The following E2F1 variants were observed in gnomAD, a reference collection of about 807,000 sequenced individuals.
The protein encoded by E2F1 is transcription factor E2F1.
In E2F1, 7 loss-of-function variants were observed where a neutral mutation model predicts 36.9. That is an observed-to-expected ratio of 0.19 (90% CI 0.11 to 0.36). The LOEUF is 0.36. Among genes scored for constraint, E2F1 ranks in the 10% least tolerant of loss-of-function variants. The pLI is 1.00. For missense variants in E2F1, 406 were observed against 573.6 expected (o/e 0.71, Z 2.99); for synonymous variants, 261 against 263.1 (o/e 0.99, Z 0.08).
rs753472103 is a variant in E2F1, at chr20:33,678,325, C to T, written c.601G>A (p.Gly201Arg). The change falls in exon 4 of 7, where the codon GGA becomes AGA. Residue 201 changes from glycine (G) to arginine (R), a missense_variant. By Grantham distance (125) the Gly-to-Arg change is moderately radical. Around this residue, in one of 5 missense-constraint regions of E2F1, gnomAD observed 93 missense variants for 143.3 expected, o/e 0.65. Transcript: ENST00000343380. ...LGSHTTVGVG[G>R]RLEGLTQDLR... ...TCCTGGGTCAACCCCTCAAGCCGTC[C>T]GCCGACGCCCACTGTGGTGTGGCTG... 1.2e-6 allele frequency: 2 copies of T among 1,612,472 alleles called. No homozygotes were observed. The highest frequency in any genetic ancestry group is 1.7e-6 in the Non-Finnish European group (2 of 1,180,002).
At position 33,686,035 on chromosome 20, in the gene E2F1, C is replaced by G; in HGVS notation, c.230G>C (p.Ser77Thr). ...GCGGCCGAGCGCGGGCCGCGGCGCACTGGGTGTGGGCCGGGGCGCCTGCGG... is the reference window on the plus strand; with the variant it reads ...GCGGCCGAGCGCGGGCCGCGGCGCAGTGGGTGTGGGCCGGGGCGCCTGCGG... ...ATPQAPRPTPSAPRPALGRPP... is the reference protein window; with the variant it reads ...ATPQAPRPTPTAPRPALGRPP... The change falls in exon 1 of 7, where the codon AGT (serine) becomes ACT (threonine). Residue 77 changes from serine to threonine, a missense_variant. This residue lies in a region of E2F1 where 77 missense variants were observed against 131.7 expected (regional missense o/e 0.58). Transcript: ENST00000343380. 1 of 1,135,384 alleles carries G rather than the reference C, an allele frequency of 8.8e-7. No homozygotes were observed. The highest frequency in any genetic ancestry group is 1.1e-6 in the Non-Finnish European group (1 of 927,314). The allele number at this position is 1,135,384 out of a possible 1,614,324, so 70.3% of individuals were successfully genotyped here.
intron 3 of E2F1, 126 bp from the exon 4 acceptor site, chr20:33,678,479 G>C (rs1354947812): frequency 1.6e-6 from 2 of 1,253,976 alleles, no homozygotes; most frequent in South Asian, 1.5e-5. Context: ...CCTTGCTTCT[G>C]TCTGGGTCTG....
At chr20:33,685,968 G>A (rs1167320586) in intron 1 of E2F1, 36 bp downstream of exon 1, 7 of 1,122,796 alleles carry the variant, frequency 6.2e-6, no homozygotes, top group Non-Finnish European at 7.6e-6. Flanking sequence ...GGGGGCACAG[G>A]CGGCGCTGTC....
In E2F1 at chr20:33,679,355, C is replaced by T. The variant is rs1224186199; in HGVS notation, c.572+400G>A. On this transcript the variant is annotated intron_variant, in intron 3 of 6. Transcript: ENST00000343380. The surrounding 1 kb of genome is among the most constrained non-coding windows in gnomAD (Gnocchi z 4.6). ...GATCAGGAGTTCGAGACCAGACTGGCCAACATGGTGAAACCCCATTTCTAC... is the reference window on the plus strand; with the variant it reads ...GATCAGGAGTTCGAGACCAGACTGGTCAACATGGTGAAACCCCATTTCTAC... 1.3e-5 allele frequency among the ~76,000 whole-genome samples: 2 copies of T among 152,170 alleles called. No homozygotes were observed. The highest frequency in any genetic ancestry group is 2.9e-5 in the Non-Finnish European group (2 of 68,026).
chr20:33,680,389 C>G lies in E2F1; in HGVS notation c.289G>C (p.Asp97His), dbSNP rs758760049. Residue 97 changes from aspartate (D) to histidine (H), a missense_variant, in exon 2 of 7, where the codon GAC becomes CAC. Coordinates refer to ENST00000343380, the MANE Select transcript of E2F1 (RefSeq NM_005225.3). ...CTGCTCTCGGCCAGGTACTGATGGT[C>G]AGTTTCCAGGTCCAGCCTCCGCTTC... ...PVKRRLDLET[D>H]HQYLAESSGP... 6.2e-7 allele frequency: 1 copy of G among 1,614,114 alleles called. No individual in the cohort carries two copies. Among genetic ancestry groups the G allele is most frequent in the Admixed American group, 1.7e-5 (1 of 60,012 alleles).
intron 1 of E2F1, among the ~76,000 whole-genome samples, chr20:33,684,429 A>G (rs1435849653): frequency 1.3e-5 from 2 of 151,660 alleles, no homozygotes; most frequent in African/African-American, 4.8e-5. Flanking sequence ...ATTAAGAGGG[A>G]GGGCCCCTAA....
rs2018060940 is a variant in E2F1 at position 33,685,676 on chromosome 20, G to C, written c.261+328C>G. 2.0e-5 allele frequency among the ~76,000 whole-genome samples: 3 copies of C among 152,126 alleles called. No homozygotes were observed. In the South Asian group the frequency reaches 6.2e-4, roughly 31 times the overall value. On this transcript the variant is annotated intron_variant, in intron 1 of 6. Coordinates refer to ENST00000343380, the MANE Select transcript of E2F1 (RefSeq NM_005225.3). Reference sequence around the variant, plus strand: ...CACAGCGGGGTTGTGAGTTTTAGCTGGCTTGAAGTCGCCCAAAGGCCTGGC... The same window carrying C: ...CACAGCGGGGTTGTGAGTTTTAGCTCGCTTGAAGTCGCCCAAAGGCCTGGC...
chr20:33,677,375 ACCAGCCCAGC>A (rs551050661), intron 5 of E2F1, 41 bp downstream of exon 5: 107 of 1,610,266 alleles, frequency 6.6e-5, no homozygotes, highest in Non-Finnish European at 8.1e-5. Context: ...CCAGGTGACC[ACCAGCCCAGC>A]CCAGCCCAGC....
At chr20:33,678,010 C>T (rs1250379961) in intron 4 of E2F1, among the ~76,000 whole-genome samples, 191 bp downstream of exon 4, 1 of 152,206 alleles carries the variant, frequency 6.6e-6, no homozygotes, top group Non-Finnish European at 1.5e-5. Context: ...TATTATTCCC[C>T]TTTTATAGAT....
chr20:33,676,578 G>A lies in E2F1; in HGVS notation c.*154C>T. ...TGGCTTGCTCAGCCTCCTAGCGGTA[G>A]CCAGACCCCAGAGCTAGAAGCTTCT... On this transcript the variant is annotated 3_prime_UTR_variant, in exon 7 of 7. Transcript: ENST00000343380. The A allele has an allele frequency of 2.5e-6, 3 of 1,194,154 alleles. No individual in the cohort carries two copies. The South Asian group carries it at 5.4e-5, about 21-fold the overall frequency. 74.0% of individuals were successfully genotyped at this position (1,194,154 alleles called of 1,614,324 possible).
At chr20:33,677,676 C>T (rs1318401979) in intron 4 of E2F1, 136 bp from the exon 5 acceptor site, 1 of 626,560 alleles carries the variant, frequency 1.6e-6, no homozygotes, top group African/African-American at 1.8e-5. Flanking sequence ...CTACCTCACG[C>T]CTGAGTTTCA....
rs759471811 is a variant in E2F1, at chr20:33,679,452, G to A, written c.572+303C>T. Among the ~76,000 whole-genome samples, 1 of 152,234 alleles carries A rather than the reference G, an allele frequency of 6.6e-6. No individual in the cohort carries two copies. Among genetic ancestry groups the A allele is most frequent in the Non-Finnish European group, 1.5e-5 (1 of 68,044 alleles). On this transcript the variant is annotated intron_variant, in intron 3 of 6. Transcript: ENST00000343380. The surrounding 1 kb of genome is among the most constrained non-coding windows in gnomAD (Gnocchi z 4.6). The stretch of plus-strand genomic sequence containing the variant: ...CCAGCTATTCAGGAGGCTGAGGCAG[G>A]AGAAGCACCTGAACCTGGGAGGTAG...
At chr20:33,685,715 C>T (rs76146947) in intron 1 of E2F1, among the ~76,000 whole-genome samples, 94 of 152,322 alleles carry the variant, frequency 6.2e-4, no homozygotes, top group African/African-American at 2.2e-3. Context: ...CAGTAAACGC[C>T]AGTTGAATAC....
Position 33,679,625 on chromosome 20 carries a change from A to T in E2F1, c.572+130T>A. On this transcript the variant is annotated intron_variant, in intron 3 of 6. Transcript: ENST00000343380. This position sits in a 1 kb window ranked among gnomAD's most constrained non-coding sequence, Gnocchi z 4.6. ...TACCATCTATCATCTCAGGGAAGCTACCTCTCCTCTCTGAGCCCGTTTCCC... is the reference window on the plus strand; with the variant it reads ...TACCATCTATCATCTCAGGGAAGCTTCCTCTCCTCTCTGAGCCCGTTTCCC... 1.3e-6 allele frequency: 1 copy of T among 789,652 alleles called. No homozygotes were observed. The allele number at this position is 789,652 out of a possible 1,614,324, so 48.9% of individuals were successfully genotyped here.
rs1307523848 is a variant in E2F1, at chr20:33,686,015, C to T, written c.250G>A (p.Gly84Ser). Residue 84 changes from glycine (G) to serine (S), a missense_variant, in exon 1 of 7, where the codon GGC becomes AGC. Gly to Ser is a moderately conservative substitution (Grantham distance 56). This residue lies in a region of E2F1 where 77 missense variants were observed against 131.7 expected (regional missense o/e 0.58). Transcript: ENST00000343380. The part of the protein sequence containing the change: ...PTPSAPRPAL[G>S]RPPVKRRLDL... The stretch of plus-strand genomic sequence containing the variant: ...CCTGGGGTCCGTACCGGCGGGCGGC[C>T]GAGCGCGGGCCGCGGCGCACTGGGT... The T allele has an allele frequency of 3.5e-6, 4 of 1,130,702 alleles. No homozygotes were observed. Among genetic ancestry groups the T allele is most frequent in the Admixed American group, 4.9e-5 (1 of 20,284 alleles). The allele number at this position is 1,130,702 out of a possible 1,614,324, so 70.0% of individuals were successfully genotyped here. A position where few individuals can be genotyped will look rare whatever the true frequency, so the allele number is the denominator to read the frequency against.
At chr20:33,681,518 G>A (rs769203671) in intron 1 of E2F1, among the ~76,000 whole-genome samples, 3 of 152,152 alleles carry the variant, frequency 2.0e-5, no homozygotes, top group Non-Finnish European at 4.4e-5. Flanking sequence ...AAAGCCCAGG[G>A]AGGCCCAGGA....
chr20:33,685,959 G>C, intron 1 of E2F1, 45 bp downstream of exon 1: 5 of 1,117,014 alleles, frequency 4.5e-6, no homozygotes, highest in Non-Finnish European at 5.5e-6. Flanking sequence ...GTCTGCGCGG[G>C]GGGCACAGGC....
intron 1 of E2F1, 128 bp from the exon 2 acceptor site, chr20:33,680,544 G>C: frequency 1.4e-6 from 1 of 728,342 alleles, no homozygotes; most frequent in Non-Finnish European, 2.3e-6. Flanking sequence ...GTGTGACTGA[G>C]GGAGATCAGA....
rs1203095079 is a variant in E2F1, at chr20:33,677,426, CTCCGAAGAG to C, written c.831_839del (p.Asp277_Ser279del). Reference sequence around the variant, plus strand: ...TGGGCCCGGAGTTCCCAGATCTCACCTCCGAAGAGTCCACGGCTTGGAGCTGGGTCTCAG... The same window carrying C: ...TGGGCCCGGAGTTCCCAGATCTCACCTCCACGGCTTGGAGCTGGGTCTCAG... On this transcript the variant is annotated inframe_deletion and splice_region_variant, in exon 5 of 7. Coordinates refer to ENST00000343380, the MANE Select transcript of E2F1 (RefSeq NM_005225.3). 2 of 1,613,816 alleles carry C rather than the reference CTCCGAAGAG, an allele frequency of 1.2e-6. No individual in the cohort carries two copies. Among genetic ancestry groups the C allele is most frequent in the Non-Finnish European group, 1.7e-6 (2 of 1,179,856 alleles).
Sources: gnomAD v4.1 joint callset for allele counts (sites outside exome capture counted in the v4.1 genomes callset) on GRCh38, gnomAD v4.1.1 for gene constraint, gnomAD v4.1.1 regional missense constraint, Gnocchi (gnomAD v3.1) non-coding constraint, MANE v1.5 for transcripts, NCBI Gene and HGNC (gene_info 2026-07-23, HGNC 2026-07-21) for gene names.